RBFOX1: variants seen among roughly 807,000 people sequenced by gnomAD.
The protein encoded by RBFOX1 is RNA binding fox-1 homolog 1, also known as RNA binding protein fox-1 homolog 1.
Under a neutral mutation model 57.7 loss-of-function variants are expected in RBFOX1, and 8 were observed. That is an observed-to-expected ratio of 0.14 (90% CI 0.08 to 0.25). The LOEUF is 0.25. Ranked by LOEUF, RBFOX1 falls within the 10% of genes least tolerant of loss-of-function variation. The pLI is 1.00. For missense variants in RBFOX1, 611 were observed against 548.5 expected (o/e 1.11, Z -1.14); for synonymous variants, 326 against 222.4 (o/e 1.47, Z -4.15).
intron 4 of RBFOX1, among the ~76,000 whole-genome samples, chr16:7,165,952 A>ACC (rs1293491608): frequency 1.2e-5 from 1 of 83,648 alleles, no homozygotes; most frequent in Non-Finnish European, 2.2e-5. Context: ...ACACACACAC[A>ACC]CACACACACA....
intron 3 of RBFOX1, among the ~76,000 whole-genome samples, chr16:6,984,084 C>T (rs1452232640): frequency 6.6e-6 from 1 of 152,072 alleles, no homozygotes; most frequent in Admixed American, 6.6e-5. Context: ...CCTGTCTCTA[C>T]TAAAAATACG....
chr16:6,447,529 C>T lies in RBFOX1; in HGVS notation c.-64+130472C>T, dbSNP rs143963162. On this transcript the variant is annotated intron_variant, in intron 2 of 15. Coordinates refer to ENST00000550418, the MANE Select transcript of RBFOX1 (RefSeq NM_018723.4). Reference sequence around the variant, plus strand: ...GGCTTAGAGTAGCCAGGATGCTTGGCGGAGGTTGTCTGTCATATCAGAGTG... The same window carrying T: ...GGCTTAGAGTAGCCAGGATGCTTGGTGGAGGTTGTCTGTCATATCAGAGTG... Among the ~76,000 whole-genome samples, 6 of 152,246 alleles carry T rather than the reference C, an allele frequency of 3.9e-5. No individual in the cohort carries two copies. The East Asian group carries it at 7.7e-4, about 20-fold the overall frequency.
At chr16:5,291,446 G>T (rs1163086000) in intron 1 of RBFOX1, among the ~76,000 whole-genome samples, 1 of 152,164 alleles carries the variant, frequency 6.6e-6, no homozygotes, top group Non-Finnish European at 1.5e-5. Flanking sequence ...TGTATTTTTA[G>T]TGGAGACGGG....
At chr16:6,482,374 C>A (rs576352963) in intron 2 of RBFOX1, among the ~76,000 whole-genome samples, 3 of 152,276 alleles carry the variant, frequency 2.0e-5, no homozygotes, top group African/African-American at 7.2e-5. Flanking sequence ...AGTCATTTCC[C>A]CAGCCAATTA....
chr16:5,467,134 C>T, intron 1 of RBFOX1: 3 of 1,350,948 alleles, frequency 2.2e-6, no homozygotes, highest in Non-Finnish European at 3.0e-6. Context: ...AAGAGAAAAA[C>T]AAAGCCAAAG....
At chr16:7,568,773 G>T (rs1474127129) in intron 5 of RBFOX1, among the ~76,000 whole-genome samples, 1 of 150,140 alleles carries the variant, frequency 6.7e-6, no homozygotes, top group African/African-American at 2.4e-5. Flanking sequence ...TGTAGTGCCA[G>T]CTACTTGGGA....
chr16:5,569,249 A>AC (rs2046183391), intron 2 of RBFOX1, among the ~76,000 whole-genome samples: 1 of 151,798 alleles, frequency 6.6e-6, no homozygotes, highest in Non-Finnish European at 1.5e-5. Flanking sequence ...GGACTGACCA[A>AC]CCCCGGTGTA....
At chr16:7,093,167 C>T (rs889533351) in intron 4 of RBFOX1, among the ~76,000 whole-genome samples, 2 of 152,198 alleles carry the variant, frequency 1.3e-5, no homozygotes, top group African/African-American at 2.4e-5. Flanking sequence ...TTCTGTTGAC[C>T]TGGCAAGTTC....
At chr16:6,768,002 C>G (rs1242708607) in intron 3 of RBFOX1, among the ~76,000 whole-genome samples, 2 of 145,580 alleles carry the variant, frequency 1.4e-5, no homozygotes, top group African/African-American at 5.3e-5. Flanking sequence ...ATGGAGAAAA[C>G]TGGACAAAAC....
At position 6,719,791 on chromosome 16, in the gene RBFOX1, A is replaced by G. The variant is rs1427140032; in HGVS notation, c.-16+65141A>G. On this transcript the variant is annotated intron_variant, in intron 3 of 15. Transcript: ENST00000550418. The stretch of plus-strand genomic sequence containing the variant: ...TGCCAAATTCTTCTGGTTATTGTGC[A>G]TATTAAATGACATAATGGAGCCCGG... Among the ~76,000 whole-genome samples the G allele has an allele frequency of 4.6e-5, 7 of 152,168 alleles. 1 individual carries two copies. The East Asian group carries it at 1.2e-3, about 25-fold the overall frequency.
rs79948679 is a variant in RBFOX1, at chr16:5,581,381, C to T, written c.259-17521C>T. 3.9e-4 allele frequency among the ~76,000 whole-genome samples: 60 copies of T among 152,314 alleles called. No individual in the cohort carries two copies. In the East Asian group the frequency reaches 8.7e-3, roughly 22 times the overall value. ...AATTAAACACTCTTTTGTCCAATAC[C>T]TATGTGTGTCAGTGGGGCTGTGCTT... On this transcript the variant is annotated intron_variant, in intron 2 of 2. Coordinates refer to the RBFOX1 transcript ENST00000585867.
Position 5,947,310 on chromosome 16 carries a change from A to T in RBFOX1, c.351+79975A>T, listed in dbSNP as rs1326022670. On this transcript the variant is annotated intron_variant, in intron 4 of 19. Transcript: ENST00000641259. The surrounding 1 kb of genome is among the most constrained non-coding windows in gnomAD (Gnocchi z 7.2). The stretch of plus-strand genomic sequence containing the variant: ...AGCTGAGGTCAGAGGGGGAGGTCAG[A>T]TCGCCATCGAATGGACACCTCTTTT... 6.6e-6 allele frequency among the ~76,000 whole-genome samples: 1 copy of T among 152,174 alleles called. No individual in the cohort carries two copies. Among genetic ancestry groups the T allele is most frequent in the Non-Finnish European group, 1.5e-5 (1 of 68,034 alleles).
At chr16:6,747,768 G>C (rs993081609) in intron 3 of RBFOX1, among the ~76,000 whole-genome samples, 2 of 152,060 alleles carry the variant, frequency 1.3e-5, no homozygotes, top group African/African-American at 2.4e-5. Flanking sequence ...AGATTCCTGG[G>C]AGTTGTCAAT....
At chr16:7,400,028 A>G (rs551139835) in intron 4 of RBFOX1, among the ~76,000 whole-genome samples, 12 of 152,304 alleles carry the variant, frequency 7.9e-5, no homozygotes, top group African/African-American at 2.6e-4. Flanking sequence ...GGTAGGGATT[A>G]TGGCCTTCTC....
chr16:5,967,276 T>G (rs537129348), intron 4 of RBFOX1, among the ~76,000 whole-genome samples: 6 of 152,352 alleles, frequency 3.9e-5, no homozygotes, highest in African/African-American at 1.4e-4. Flanking sequence ...TATATCAATC[T>G]ATGAATAATT....
chr16:6,508,287 G>A (rs1054975602), intron 2 of RBFOX1, among the ~76,000 whole-genome samples: 1 of 152,082 alleles, frequency 6.6e-6, no homozygotes, highest in African/African-American at 2.4e-5. Context: ...CCTGGGTGAT[G>A]GAATAATCTG....
At chr16:6,506,555 A>G (rs2096095942) in intron 2 of RBFOX1, among the ~76,000 whole-genome samples, 1 of 151,068 alleles carries the variant, frequency 6.6e-6, no homozygotes, top group South Asian at 2.1e-4. Flanking sequence ...ATGGACCCAC[A>G]GTGTAGTCTA....
chr16:7,047,081 T>C (rs982412023), intron 3 of RBFOX1, among the ~76,000 whole-genome samples: 4 of 145,672 alleles, frequency 2.7e-5, no homozygotes, highest in Non-Finnish European at 4.5e-5. Context: ...CCATTAAACA[T>C]ATTTTAATGA....
intron 1 of RBFOX1, among the ~76,000 whole-genome samples, chr16:5,389,899 T>C (rs2151416692): frequency 6.6e-6 from 1 of 152,200 alleles, no homozygotes; most frequent in East Asian, 1.9e-4. Context: ...AGCTTCACCA[T>C]GTTGCCCAGG....
Sources: gnomAD v4.1 joint callset for allele counts (sites outside exome capture counted in the v4.1 genomes callset) on GRCh38, gnomAD v4.1.1 for gene constraint, Gnocchi (gnomAD v3.1) non-coding constraint, MANE v1.5 for transcripts, NCBI Gene and HGNC (gene_info 2026-07-23, HGNC 2026-07-21) for gene names.